The following LUC7L3 variants were observed in gnomAD, a reference collection of about 807,000 sequenced individuals.
The protein encoded by LUC7L3 is luc7-like protein 3.
A neutral mutation model predicts 66.8 loss-of-function variants in LUC7L3; 6 were observed. The observed-to-expected ratio is 0.09, with a 90% CI of 0.05 to 0.18. LUC7L3 has a LOEUF of 0.18. LUC7L3 is among the 10% of genes least tolerant of loss of function. The probability of loss-of-function intolerance (pLI) is 1.00; values close to 1 mark genes in which losing one functional copy is unlikely to be tolerated. For missense variants in LUC7L3, 341 were observed against 531.1 expected, an observed-to-expected ratio of 0.64 and a Z score of 3.52; for synonymous variants, 160 against 174.7, an observed-to-expected ratio of 0.92 and a Z score of 0.66.
chr17:50,732,939 T>C (rs1215272788), intron 1 of LUC7L3, among the ~76,000 whole-genome samples: 1 of 152,136 alleles, frequency 6.6e-6, no homozygotes, highest in Non-Finnish European at 1.5e-5. Flanking sequence ...GAAGATTCAT[T>C]GTGCTGTGTT....
rs549376242 is a variant in LUC7L3, at chr17:50,731,290, T to TC, written c.100-5667dup. 4.4e-3 allele frequency among the ~76,000 whole-genome samples: 668 copies of TC among 152,280 alleles called. 5 individuals carry two copies. The highest frequency in any genetic ancestry group is 6.7e-3 in the Non-Finnish European group (454 of 68,026). On this transcript the variant is annotated intron_variant, in intron 1 of 9. Coordinates refer to ENST00000505658, the MANE Select transcript of LUC7L3 (RefSeq NM_016424.5). Reference sequence around the variant, plus strand: ...TTCAAGCGATTCTCCCACCTCAGCCTCCCAAGTAGCTGGGATTACAGGCAC... The same window carrying TC: ...TTCAAGCGATTCTCCCACCTCAGCCTCCCCAAGTAGCTGGGATTACAGGCAC...
rs1461086066 is a variant in LUC7L3 at position 50,755,789 on chromosome 17, G to A, written c.*5128G>A. On this transcript the variant is annotated 3_prime_UTR_variant, in exon 10 of 10. Coordinates refer to ENST00000505658, the MANE Select transcript of LUC7L3 (RefSeq NM_016424.5). ...GCATTTGTGTGTAATAGGAAGAAAA[G>A]AAGAAAAAACCCGGGAAGATCCCAA... The A allele has an allele frequency of 6.6e-6, 1 of 152,186 alleles. No individual in the cohort carries two copies. Among genetic ancestry groups the A allele is most frequent in the East Asian group, 1.9e-4 (1 of 5,200 alleles). The allele number at this position is 152,186 out of a possible 1,614,324, so 9.4% of individuals were successfully genotyped here.
At chr17:50,747,232 C>CTTTTTTTTTTTTTTTTTTTTT (rs757254602) in intron 9 of LUC7L3, among the ~76,000 whole-genome samples, 2 of 102,986 alleles carry the variant, frequency 1.9e-5, no homozygotes, top group Non-Finnish European at 3.6e-5. Context: ...TTTTCTTTTT[C>CTTTTTTTTTTTTTTTTTTTTT]TTTTTTTTTT....
intron 5 of LUC7L3, 58 bp from the exon 6 acceptor site, chr17:50,743,648 A>G (rs1015554243): frequency 1.8e-6 from 2 of 1,121,316 alleles, no homozygotes; most frequent in African/African-American, 3.1e-5. Flanking sequence ...ATGGGGAAAA[A>G]AGACAATAGT....
chr17:50,726,109 C>A (rs1020108583), intron 1 of LUC7L3, among the ~76,000 whole-genome samples: 6 of 152,160 alleles, frequency 3.9e-5, no homozygotes, highest in Non-Finnish European at 8.8e-5. Flanking sequence ...AAAAAATTAT[C>A]CCTTGGTTCT....
chr17:50,736,954 T>C lies in LUC7L3; in HGVS notation c.100-6T>C. 1 of 1,599,170 alleles carries C rather than the reference T, an allele frequency of 6.3e-7. No individual in the cohort carries two copies. Among genetic ancestry groups the C allele is most frequent in the African/African-American group, 1.3e-5 (1 of 74,684 alleles). The stretch of plus-strand genomic sequence containing the variant: ...TTTTTTAAGTACCTTTGTTTTTCTT[T>C]ACTAGGTTTGTAAATATTATCTCTG... On this transcript the variant is annotated splice_polypyrimidine_tract_variant and splice_region_variant and intron_variant, in intron 1 of 9. Coordinates refer to ENST00000505658, the MANE Select transcript of LUC7L3 (RefSeq NM_016424.5).
intron 1 of LUC7L3, among the ~76,000 whole-genome samples, chr17:50,720,560 A>G (rs192439194): frequency 3.3e-4 from 51 of 152,346 alleles, no homozygotes; most frequent in African/African-American, 1.1e-3. Context: ...CCACAATCCT[A>G]TGAAACTGGT....
At chr17:50,742,293 A>G (rs913043453) in intron 5 of LUC7L3, among the ~76,000 whole-genome samples, 1 of 152,016 alleles carries the variant, frequency 6.6e-6, no homozygotes, top group Admixed American at 6.6e-5. Flanking sequence ...TTGCACAACC[A>G]CTTTGGAAAA....
intron 1 of LUC7L3, among the ~76,000 whole-genome samples, chr17:50,730,291 A>G (rs934625412): frequency 5.9e-5 from 9 of 152,050 alleles, no homozygotes; most frequent in African/African-American, 2.2e-4. Context: ...TATGATAAGC[A>G]GTTTAACGAA....
intron 5 of LUC7L3, among the ~76,000 whole-genome samples, chr17:50,742,822 A>G (rs925756573): frequency 6.6e-6 from 1 of 152,260 alleles, no homozygotes; most frequent in African/African-American, 2.4e-5. Context: ...ACTGGAATCA[A>G]TTAAAATACC....
chr17:50,750,464 C>G lies in LUC7L3; in HGVS notation c.1139-37C>G, dbSNP rs371385188. On this transcript the variant is annotated intron_variant, in intron 9 of 9. Coordinates refer to ENST00000505658, the MANE Select transcript of LUC7L3 (RefSeq NM_016424.5). ...AAAATCATGTCTTTATTGTATTTTACTTTAAAATCCATGGTCAATGTCTTC... is the reference window on the plus strand; with the variant it reads ...AAAATCATGTCTTTATTGTATTTTAGTTTAAAATCCATGGTCAATGTCTTC... 44 of 1,569,418 alleles carry G rather than the reference C, an allele frequency of 2.8e-5. No homozygotes were observed. The African/African-American group carries it at 5.6e-4, about 20-fold the overall frequency.
chr17:50,729,754 A>G (rs1311662424), intron 1 of LUC7L3, among the ~76,000 whole-genome samples: 1 of 151,934 alleles, frequency 6.6e-6, no homozygotes, highest in Non-Finnish European at 1.5e-5. Flanking sequence ...TCATCACATT[A>G]TTCAAGGACT....
At chr17:50,720,089 A>G (rs1435775713) in intron 1 of LUC7L3, among the ~76,000 whole-genome samples, 1 of 152,246 alleles carries the variant, frequency 6.6e-6, no homozygotes, top group Non-Finnish European at 1.5e-5. Flanking sequence ...GAGGCGGGGA[A>G]ACGCGGGAAA....
At chr17:50,745,599 A>G (rs1376639352) in intron 7 of LUC7L3, 121 bp from the exon 8 acceptor site, 17 of 685,366 alleles carry the variant, frequency 2.5e-5, no homozygotes, top group African/African-American at 9.0e-5. Flanking sequence ...TGGAATGTCT[A>G]CATTTCCCTT....
At chr17:50,727,264 T>G (rs1969257754) in intron 1 of LUC7L3, among the ~76,000 whole-genome samples, 1 of 152,254 alleles carries the variant, frequency 6.6e-6, no homozygotes, top group South Asian at 2.1e-4. Context: ...GTTGGATAAT[T>G]ATAAAGAAAA....
rs1400555604 is a variant in LUC7L3 at position 50,755,118 on chromosome 17, G to A, written c.*4457G>A. ...GTTTGATTTCCTGAGGGATTTTTTAGTTGTTTGTGAAAGAACCCCAGGTCT... is the reference window on the plus strand; with the variant it reads ...GTTTGATTTCCTGAGGGATTTTTTAATTGTTTGTGAAAGAACCCCAGGTCT... On this transcript the variant is annotated 3_prime_UTR_variant, in exon 10 of 10. Coordinates refer to ENST00000505658, the MANE Select transcript of LUC7L3 (RefSeq NM_016424.5). The A allele has an allele frequency of 1.3e-5, 2 of 152,010 alleles. No individual in the cohort carries two copies. The highest frequency in any genetic ancestry group is 2.1e-4 in the South Asian group (1 of 4,828). The allele number at this position is 152,010 out of a possible 1,614,324, so 9.4% of individuals were successfully genotyped here.
At chr17:50,721,336 CTG>C (rs982035185) in intron 1 of LUC7L3, among the ~76,000 whole-genome samples, 5 of 152,128 alleles carry the variant, frequency 3.3e-5, no homozygotes, top group African/African-American at 9.7e-5. Flanking sequence ...TTTAGAGAAA[CTG>C]TTTTCTTTCC....
intron 2 of LUC7L3, 68 bp from the exon 3 acceptor site, chr17:50,740,238 T>C (rs1012617151): frequency 8.3e-6 from 9 of 1,084,818 alleles, no homozygotes; most frequent in South Asian, 7.3e-5. Context: ...AAAATAACTC[T>C]TTTTTTTTGG....
rs1970951525 is a variant in LUC7L3 at position 50,751,003 on chromosome 17, T to TC, written c.*342_*343insC. The TC allele has an allele frequency of 6.9e-6, 10 of 1,452,108 alleles. No homozygotes were observed. The highest frequency in any genetic ancestry group is 8.1e-6 in the Non-Finnish European group (9 of 1,111,018). 90.0% of individuals were successfully genotyped at this position (1,452,108 alleles called of 1,614,324 possible). Reference sequence around the variant, plus strand: ...ATTTTGATGTCATTTCTTTTTTTTTTTTAATAAAAAGGTTGAACTGTTTTT... The same window carrying TC: ...ATTTTGATGTCATTTCTTTTTTTTTTCTTAATAAAAAGGTTGAACTGTTTTT... On this transcript the variant is annotated 3_prime_UTR_variant, in exon 10 of 10. Coordinates refer to ENST00000505658, the MANE Select transcript of LUC7L3 (RefSeq NM_016424.5).
Sources: allele counts gnomAD v4.1 joint callset (sites outside exome capture counted in the v4.1 genomes callset), GRCh38; gene constraint gnomAD v4.1.1; transcripts MANE v1.5; gene names NCBI Gene and HGNC (gene_info 2026-07-23, HGNC 2026-07-21).